The following CUX1 variants were observed in gnomAD, a reference collection of about 807,000 sequenced individuals.
The protein encoded by CUX1 is cut like homeobox 1, also known as protein CASP.
Under a neutral mutation model 158.8 loss-of-function variants are expected in CUX1, and 31 were observed. The ratio of observed to expected loss-of-function variants is 0.20; its 90% CI spans 0.15 to 0.26. CUX1 has a LOEUF of 0.26. CUX1 is among the 10% of genes least tolerant of loss of function. CUX1 has a pLI of 1.00. For synonymous variants in CUX1, 879 were observed against 862.1 expected, an observed-to-expected ratio of 1.02 and a Z score of -0.34; for missense variants, 1,589 against 2,014.6, an observed-to-expected ratio of 0.79 and a Z score of 4.04.
intron 4 of CUX1, among the ~76,000 whole-genome samples, chr7:102,081,629 A>G (rs1012550309): frequency 1.4e-5 from 2 of 146,530 alleles, no homozygotes; most frequent in African/African-American, 4.9e-5. Flanking sequence ...ACGCAGTCTC[A>G]GGTATTTCTT....
At chr7:102,211,793 A>G (rs2132146432) in intron 20 of CUX1, among the ~76,000 whole-genome samples, 1 of 151,688 alleles carries the variant, frequency 6.6e-6, no homozygotes, top group African/African-American at 2.4e-5. Context: ...AAAAAAAAAA[A>G]AAAAAAAAAA....
intron 1 of CUX1, among the ~76,000 whole-genome samples, chr7:101,831,838 CT>C (rs1584688035): frequency 6.6e-6 from 1 of 152,100 alleles, no homozygotes; most frequent in East Asian, 1.9e-4. Flanking sequence ...ACCTCCCGGG[CT>C]CAAGCTATCC....
chr7:101,854,041 C>T (rs1388005496), intron 1 of CUX1, among the ~76,000 whole-genome samples: 2 of 152,112 alleles, frequency 1.3e-5, no homozygotes, highest in Non-Finnish European at 2.9e-5. Flanking sequence ...TGCTTTCCAG[C>T]GCTTTCCAGC....
chr7:102,252,715 AGT>A lies in CUX1; in HGVS notation c.*3674_*3675del. The A allele has an allele frequency of 1.0e-6, 1 of 985,352 alleles. No homozygotes were observed. The highest frequency in any genetic ancestry group is 1.2e-6 in the Non-Finnish European group (1 of 829,924). The allele number at this position is 985,352 out of a possible 1,614,324, so 61.0% of individuals were successfully genotyped here. A position where few individuals can be genotyped will look rare whatever the true frequency, so the allele number is the denominator to read the frequency against. On this transcript the variant is annotated 3_prime_UTR_variant, in exon 24 of 24. Transcript: ENST00000292535. ...GCCCAACTCACTTCCACCCCAGAGG[AGT>A]CTTCTGTCCTCCTCCCCAACCCCCG...
At position 102,249,123 on chromosome 7, in the gene CUX1, C is replaced by A. The variant is rs1404161027; in HGVS notation, c.*81C>A. On this transcript the variant is annotated 3_prime_UTR_variant, in exon 24 of 24. Coordinates refer to ENST00000292535, the MANE Select transcript of CUX1 (RefSeq NM_181552.4). ...TCGGACGGGGCAGGCGCTGCGGACA[C>A]CGTGGCCTGGGCTTGGCCCGCGGCC... 5.1e-6 allele frequency: 6 copies of A among 1,177,322 alleles called. No individual in the cohort carries two copies. Among genetic ancestry groups the A allele is most frequent in the East Asian group, 3.8e-5 (1 of 26,574 alleles). 72.9% of individuals were successfully genotyped at this position (1,177,322 alleles called of 1,614,324 possible).
Position 102,227,355 on chromosome 7 carries a change from C to T in CUX1, c.3131-12C>T. On this transcript the variant is annotated splice_polypyrimidine_tract_variant and intron_variant, in intron 20 of 23. Coordinates refer to ENST00000292535, the MANE Select transcript of CUX1 (RefSeq NM_181552.4). ...ATTTTCAGGCACGGTTTCTCGTGTG[C>T]TTTAATTACAGAAAGCACTCCAAAG... The T allele has an allele frequency of 6.3e-7, 1 of 1,594,640 alleles. No homozygotes were observed. Among genetic ancestry groups the T allele is most frequent in the Non-Finnish European group, 8.6e-7 (1 of 1,165,962 alleles).
intron 14 of CUX1, chr7:102,264,615 G>A (rs1483973409): frequency 6.6e-6 from 1 of 152,494 alleles, no homozygotes; most frequent in East Asian, 1.9e-4. Context: ...TGGGGAAACA[G>A]GAAGTAGGAT....
chr7:102,003,798 G>T (rs555136082), intron 2 of CUX1, among the ~76,000 whole-genome samples: 1 of 152,122 alleles, frequency 6.6e-6, no homozygotes, highest in Admixed American at 6.6e-5. Context: ...GAATAACATA[G>T]GATATTAAAT....
chr7:102,186,597 T>TATATATATATA (rs1554515382), intron 11 of CUX1, among the ~76,000 whole-genome samples: 6 of 144,036 alleles, frequency 4.2e-5, no homozygotes, highest in African/African-American at 1.5e-4. Context: ...ATATATATAT[T>TATATATATATA]TTTTTTTATT....
chr7:102,265,017 T>C (rs1372707854), intron 14 of CUX1: 1 of 152,096 alleles, frequency 6.6e-6, no homozygotes, highest in Admixed American at 6.6e-5. Flanking sequence ...AAATGTCCAG[T>C]GGAAAGAATT....
At chr7:102,123,835 G>C (rs1324470223) in intron 8 of CUX1, among the ~76,000 whole-genome samples, 1 of 151,860 alleles carries the variant, frequency 6.6e-6, no homozygotes, top group Non-Finnish European at 1.5e-5. Context: ...GCTAATTTTT[G>C]TATTTTTAGT....
intron 1 of CUX1, among the ~76,000 whole-genome samples, chr7:101,908,258 T>C (rs1222241901): frequency 6.6e-6 from 1 of 152,238 alleles, no homozygotes; most frequent in African/African-American, 2.4e-5. Flanking sequence ...CTTCCATTAC[T>C]GAGCACAGGC....
intron 2 of CUX1, among the ~76,000 whole-genome samples, chr7:101,987,028 C>T (rs969029073): frequency 6.6e-6 from 1 of 152,146 alleles, no homozygotes; most frequent in Non-Finnish European, 1.5e-5. Flanking sequence ...CCCCAGTCTG[C>T]TCCTGCCACC....
intron 21 of CUX1, among the ~76,000 whole-genome samples, chr7:102,228,613 G>T (rs527325490): frequency 7.2e-5 from 11 of 152,210 alleles, no homozygotes; most frequent in Non-Finnish European, 1.3e-4. Context: ...AACCTGGGCA[G>T]CATGGCAAAA....
At chr7:102,219,444 A>G (rs782352227) in intron 20 of CUX1, among the ~76,000 whole-genome samples, 18 of 151,944 alleles carry the variant, frequency 1.2e-4, no homozygotes, top group Non-Finnish European at 2.2e-4. Flanking sequence ...CAGTGATTTG[A>G]TAGGTTTGGG....
intron 4 of CUX1, among the ~76,000 whole-genome samples, chr7:102,076,991 G>A (rs888663084): frequency 2.0e-5 from 3 of 150,112 alleles, no homozygotes; most frequent in African/African-American, 4.9e-5. Context: ...CCAAGATCAC[G>A]CCACTGCACT....
chr7:101,871,112 C>T (rs1050993629), intron 1 of CUX1, among the ~76,000 whole-genome samples: 4 of 152,118 alleles, frequency 2.6e-5, no homozygotes, highest in East Asian at 1.9e-4. Flanking sequence ...TTGCTCTCTG[C>T]ACCCCTCTTT....
At position 101,846,223 on chromosome 7, in the gene CUX1, C is replaced by G. The variant is rs571996120; in HGVS notation, c.30+28554C>G. Among the ~76,000 whole-genome samples the G allele has an allele frequency of 1.1e-4, 17 of 152,286 alleles. No individual in the cohort carries two copies. In the South Asian group the frequency reaches 3.3e-3, roughly 30 times the overall value. ...TCCCTTATCTTCCAAGTTGAGCTCT[C>G]CCAGCATAGATGGCCCAGCTGCCAG... On this transcript the variant is annotated intron_variant, in intron 1 of 23. Coordinates refer to ENST00000292535, the MANE Select transcript of CUX1 (RefSeq NM_181552.4).
chr7:102,134,975 G>A (rs561043254), intron 8 of CUX1, among the ~76,000 whole-genome samples: 4 of 152,184 alleles, frequency 2.6e-5, no homozygotes, highest in South Asian at 2.1e-4. Context: ...AATTCTACAC[G>A]TATTCTGGAT....
Sources: gnomAD v4.1 joint callset for allele counts (sites outside exome capture counted in the v4.1 genomes callset) on GRCh38, gnomAD v4.1.1 for gene constraint, MANE v1.5 for transcripts, NCBI Gene and HGNC (gene_info 2026-07-23, HGNC 2026-07-21) for gene names.